SPATS2L: variants seen among roughly 807,000 people sequenced by gnomAD.
The protein encoded by SPATS2L is SPATS2-like protein.
SPATS2L carries 30 observed loss-of-function variants against 59.6 expected under a neutral mutation model. That is an observed-to-expected ratio of 0.50 (90% CI 0.38 to 0.68). SPATS2L has a LOEUF of 0.68. Ranked by LOEUF, SPATS2L falls within the 30% of genes least tolerant of loss-of-function variation. SPATS2L has a pLI of 0.00. For synonymous variants in SPATS2L, 252 were observed against 263.5 expected (o/e 0.96, Z 0.42); for missense variants, 615 against 700.0 (o/e 0.88, Z 1.37).
chr2:200,376,854 C>G (rs1182364276), intron 2 of SPATS2L, among the ~76,000 whole-genome samples: 7 of 152,196 alleles, frequency 4.6e-5, no homozygotes, highest in Non-Finnish European at 1.0e-4. Flanking sequence ...AGTCACCCCA[C>G]CTCTCCCATC....
intron 1 of SPATS2L, among the ~76,000 whole-genome samples, chr2:200,315,977 A>G (rs1261496158): frequency 6.9e-6 from 1 of 145,756 alleles, no homozygotes; most frequent in Non-Finnish European, 1.5e-5. Flanking sequence ...GTGAGGGGAG[A>G]TCGTGCCACT....
intron 2 of SPATS2L, among the ~76,000 whole-genome samples, chr2:200,359,007 C>G (rs188156593): frequency 6.6e-6 from 1 of 150,924 alleles, no homozygotes; most frequent in African/African-American, 2.4e-5. Flanking sequence ...AAAAAAAATA[C>G]ACACACACAC....
intron 5 of SPATS2L, among the ~76,000 whole-genome samples, chr2:200,418,553 G>A (rs936586302): frequency 6.6e-6 from 1 of 150,740 alleles, no homozygotes; most frequent in Non-Finnish European, 1.5e-5. Context: ...CAGCCTGGGC[G>A]ACAGAGCCAG....
intron 1 of SPATS2L, among the ~76,000 whole-genome samples, chr2:200,320,917 C>G (rs2079541450): frequency 6.6e-6 from 1 of 151,842 alleles, no homozygotes; most frequent in South Asian, 2.1e-4. Context: ...TATAATATAT[C>G]AAGGAATAAA....
rs541451757 is a variant in SPATS2L at position 200,359,139 on chromosome 2, G to A, written c.-23+29659G>A. On this transcript the variant is annotated intron_variant, in intron 2 of 12. Coordinates refer to ENST00000409140, the MANE Select transcript of SPATS2L (RefSeq NM_001100423.2). Reference sequence around the variant, plus strand: ...ATAAAAAACTTCAAGAAATCAATTAGGGTTGTTTAGTTTTTAAATGGTGGA... The same window carrying A: ...ATAAAAAACTTCAAGAAATCAATTAAGGTTGTTTAGTTTTTAAATGGTGGA... 9.9e-5 allele frequency among the ~76,000 whole-genome samples: 15 copies of A among 152,188 alleles called. No individual in the cohort carries two copies. The South Asian group carries it at 2.5e-3, about 25-fold the overall frequency.
Position 200,382,618 on chromosome 2 carries a change from G to T in SPATS2L, c.-22-6605G>T, listed in dbSNP as rs141634136. Among the ~76,000 whole-genome samples the T allele has an allele frequency of 1.7e-4, 26 of 152,272 alleles. 1 individual carries two copies. The South Asian group carries it at 4.4e-3, about 26-fold the overall frequency. ...TTGAGGTGCTGTTAGCCCAATGGCC[G>T]TGGGCTTGCTGAGTTGGACTGCCTT... On this transcript the variant is annotated intron_variant, in intron 2 of 12. Transcript: ENST00000409140.
chr2:200,445,218 G>A (rs2084953506), intron 8 of SPATS2L, among the ~76,000 whole-genome samples: 1 of 152,116 alleles, frequency 6.6e-6, no homozygotes, highest in Non-Finnish European at 1.5e-5. Context: ...GGCTGAGAGT[G>A]GGGAGGATCA....
chr2:200,459,627 T>C, intron 8 of SPATS2L, 142 bp from the exon 9 acceptor site: 1 of 672,458 alleles, frequency 1.5e-6, no homozygotes, highest in Non-Finnish European at 2.6e-6. Flanking sequence ...AGGCAGAGTG[T>C]ACTGCTGGCA....
intron 3 of SPATS2L, among the ~76,000 whole-genome samples, chr2:200,410,241 G>T (rs1402000968): frequency 6.6e-6 from 1 of 152,022 alleles, no homozygotes; most frequent in Admixed American, 6.5e-5. Flanking sequence ...ATATTGGAAG[G>T]GTAACATAAT....
chr2:200,424,871 A>T (rs1178550175), intron 6 of SPATS2L, among the ~76,000 whole-genome samples: 1 of 152,122 alleles, frequency 6.6e-6, no homozygotes, highest in Non-Finnish European at 1.5e-5. Flanking sequence ...CCTCGTGTAA[A>T]GCATCCTGGG....
chr2:200,316,072 C>T (rs1386320420), intron 1 of SPATS2L, among the ~76,000 whole-genome samples: 3 of 149,412 alleles, frequency 2.0e-5, no homozygotes, highest in South Asian at 2.1e-4. Context: ...TATGTGTTCA[C>T]GATGGAAAAG....
chr2:200,338,840 G>A (rs920489884), intron 2 of SPATS2L, among the ~76,000 whole-genome samples: 6 of 152,126 alleles, frequency 3.9e-5, no homozygotes, highest in African/African-American at 1.4e-4. Context: ...TCTCCCAAAT[G>A]TGCACTGTCA....
intron 5 of SPATS2L, 75 bp downstream of exon 5, chr2:200,416,503 C>A (rs2083066054): frequency 2.3e-6 from 2 of 872,748 alleles, no homozygotes; most frequent in South Asian, 5.0e-5. Context: ...TTTAACAAGG[C>A]TGCCAATTTT....
chr2:200,404,232 A>G (rs1445618874), intron 3 of SPATS2L, among the ~76,000 whole-genome samples: 1 of 152,218 alleles, frequency 6.6e-6, no homozygotes, highest in East Asian at 1.9e-4. Context: ...TGGAGAGAGG[A>G]GAAACCAAGC....
At chr2:200,412,284 ATTTC>A (rs1159083983) in intron 3 of SPATS2L, 23 bp from the exon 4 acceptor site, 21 of 1,239,118 alleles carry the variant, frequency 1.7e-5, no homozygotes, top group Non-Finnish European at 2.1e-5. Flanking sequence ...TCACATTTCT[ATTTC>A]TTTTTTTTTT....
At chr2:200,367,340 C>T (rs2081295912) in intron 2 of SPATS2L, among the ~76,000 whole-genome samples, 1 of 152,114 alleles carries the variant, frequency 6.6e-6, no homozygotes, top group African/African-American at 2.4e-5. Context: ...TCAGCAAAGC[C>T]CACTTCCAGG....
intron 2 of SPATS2L, among the ~76,000 whole-genome samples, chr2:200,343,293 T>C (rs1044279763): frequency 3.9e-5 from 6 of 152,200 alleles, no homozygotes; most frequent in African/African-American, 1.4e-4. Flanking sequence ...ATGGAACGTA[T>C]GTCAGTCTTG....
intron 2 of SPATS2L, among the ~76,000 whole-genome samples, chr2:200,385,668 A>G (rs1359037636): frequency 6.6e-6 from 1 of 151,976 alleles, no homozygotes; most frequent in African/African-American, 2.4e-5. Flanking sequence ...GTAGAACCCA[A>G]TTTGACTATC....
Position 200,360,967 on chromosome 2 carries a change from CTGTGTG to C in SPATS2L, c.-22-28231_-22-28226del, listed in dbSNP as rs145080452. 1.6e-4 allele frequency among the ~76,000 whole-genome samples: 22 copies of C among 140,420 alleles called. No homozygotes were observed. In the East Asian group the frequency reaches 2.2e-3, roughly 14 times the overall value. The allele number at this position is 140,420 out of a possible 152,430, so 92.1% of individuals were successfully genotyped here. A position where few individuals can be genotyped will look rare whatever the true frequency, so the allele number is the denominator to read the frequency against. Reference sequence around the variant, plus strand: ...TAGAACAGAACAGAGCAGAACAGGGCTGTGTGTGTGTGTGTGTGTGTGTGTGTGTGA... The same window carrying C: ...TAGAACAGAACAGAGCAGAACAGGGCTGTGTGTGTGTGTGTGTGTGTGTGA... On this transcript the variant is annotated intron_variant, in intron 2 of 12. Transcript: ENST00000409140.
Sources: gnomAD v4.1 joint callset for allele counts (sites outside exome capture counted in the v4.1 genomes callset) on GRCh38, gnomAD v4.1.1 for gene constraint, MANE v1.5 for transcripts, NCBI Gene and HGNC (gene_info 2026-07-23, HGNC 2026-07-21) for gene names.